Variants in CCDC85A observed in about 807,000 individuals in gnomAD.
The protein encoded by CCDC85A is coiled-coil domain containing 85A.
Under a neutral mutation model 50.2 loss-of-function variants are expected in CCDC85A, and 38 were observed. The observed-to-expected ratio is 0.76, with a 90% confidence interval of 0.58 to 0.99. The LOEUF is 0.99. CCDC85A is among the 50% of genes least tolerant of loss of function. The pLI, the probability that CCDC85A is intolerant of heterozygous loss-of-function variation, is 0.00. For synonymous variants in CCDC85A, 366 were observed against 301.4 expected (o/e 1.21, Z -2.22); for missense variants, 820 against 742.0 (o/e 1.11, Z -1.22).
chr2:56,333,632 G>C (rs1223079010), intron 2 of CCDC85A, among the ~76,000 whole-genome samples: 1 of 152,088 alleles, frequency 6.6e-6, no homozygotes, highest in African/African-American at 2.4e-5. Flanking sequence ...AATAGCACTG[G>C]GGGAGGAGGA....
At chr2:56,271,153 G>A (rs1307044303) in intron 2 of CCDC85A, among the ~76,000 whole-genome samples, 2 of 152,180 alleles carry the variant, frequency 1.3e-5, no homozygotes, top group Non-Finnish European at 2.9e-5. Context: ...CACTTCTCCT[G>A]TAGGATTTAC....
chr2:56,233,068 C>G (rs1472917161), intron 2 of CCDC85A, among the ~76,000 whole-genome samples: 1 of 152,186 alleles, frequency 6.6e-6, no homozygotes, highest in Non-Finnish European at 1.5e-5. Context: ...GGTAGTGCCT[C>G]TGCCTGGGAA....
At chr2:56,258,457 A>C (rs1670080918) in intron 2 of CCDC85A, among the ~76,000 whole-genome samples, 1 of 152,156 alleles carries the variant, frequency 6.6e-6, no homozygotes, top group Non-Finnish European at 1.5e-5. Flanking sequence ...CCCTCGTCAG[A>C]CTTCATTATC....
intron 2 of CCDC85A, among the ~76,000 whole-genome samples, chr2:56,257,689 G>T (rs1670043335): frequency 6.6e-6 from 1 of 152,140 alleles, no homozygotes; most frequent in Non-Finnish European, 1.5e-5. Flanking sequence ...AACTCAATCA[G>T]GTGTTTTTTC....
intron 2 of CCDC85A, among the ~76,000 whole-genome samples, chr2:56,304,618 T>C (rs1003984319): frequency 3.3e-5 from 5 of 152,086 alleles, no homozygotes; most frequent in Non-Finnish European, 7.4e-5. Context: ...AAATAGTAAA[T>C]GTACAAAAAA....
intron 2 of CCDC85A, among the ~76,000 whole-genome samples, chr2:56,303,912 T>C (rs1226736943): frequency 6.6e-6 from 1 of 152,090 alleles, no homozygotes; most frequent in African/African-American, 2.4e-5. Flanking sequence ...CATGAGCATT[T>C]TGGGAAACTG....
intron 2 of CCDC85A, among the ~76,000 whole-genome samples, chr2:56,268,594 C>CAA (rs59245276): frequency 0.016 from 1,656 of 102,492 alleles, 28 homozygotes; most frequent in East Asian, 0.053. Context: ...GATTCCGTCT[C>CAA]AAAAAAAAAA....
At chr2:56,350,325 C>G (rs1219815098) in intron 3 of CCDC85A, among the ~76,000 whole-genome samples, 1 of 152,040 alleles carries the variant, frequency 6.6e-6, no homozygotes, top group Non-Finnish European at 1.5e-5. Context: ...AATCCCAGCA[C>G]TTTGGGAGGC....
intron 3 of CCDC85A, among the ~76,000 whole-genome samples, chr2:56,355,612 T>C (rs1371074158): frequency 6.6e-6 from 1 of 152,144 alleles, no homozygotes; most frequent in Non-Finnish European, 1.5e-5. Flanking sequence ...TTATTGTTCG[T>C]AAAAAAGAGA....
At chr2:56,322,268 G>A (rs764910939) in intron 2 of CCDC85A, among the ~76,000 whole-genome samples, 9 of 152,166 alleles carry the variant, frequency 5.9e-5, no homozygotes, top group Admixed American at 1.3e-4. Context: ...AAAAGCAATG[G>A]CAGCAAAAGC....
intron 2 of CCDC85A, among the ~76,000 whole-genome samples, chr2:56,201,077 CACACACACACA>C (rs1466131319): frequency 6.9e-3 from 54 of 7,840 alleles, no homozygotes; most frequent in African/African-American, 0.025. Context: ...CATCTCTCTC[CACACACACACA>C]CACACACACA....
chr2:56,361,913 A>G (rs1386168895), intron 3 of CCDC85A, among the ~76,000 whole-genome samples: 1 of 152,128 alleles, frequency 6.6e-6, no homozygotes, highest in Admixed American at 6.5e-5. Flanking sequence ...ACATTGGTAC[A>G]CTCATTAGGG....
At chr2:56,227,177 G>T (rs565103347) in intron 2 of CCDC85A, among the ~76,000 whole-genome samples, 3 of 152,018 alleles carry the variant, frequency 2.0e-5, no homozygotes, top group Non-Finnish European at 4.4e-5. Context: ...CCACTGATTT[G>T]ATATGAGTTC....
intron 2 of CCDC85A, among the ~76,000 whole-genome samples, chr2:56,209,328 A>G (rs1043402407): frequency 6.6e-6 from 1 of 152,106 alleles, no homozygotes; most frequent in Non-Finnish European, 1.5e-5. Context: ...CAAACAGACA[A>G]ACAAATAGAA....
chr2:56,317,087 G>C (rs1022207807), intron 2 of CCDC85A, among the ~76,000 whole-genome samples: 3 of 152,048 alleles, frequency 2.0e-5, no homozygotes, highest in Admixed American at 1.3e-4. Context: ...AGATGTACCT[G>C]TAAATGGAAG....
chr2:56,317,021 G>A (rs1378691665), intron 2 of CCDC85A, among the ~76,000 whole-genome samples: 3 of 151,882 alleles, frequency 2.0e-5, no homozygotes, highest in Non-Finnish European at 4.4e-5. Context: ...CTATTCAGAC[G>A]GCAAATTTTA....
intron 1 of CCDC85A, 87 bp downstream of exon 1, chr2:56,184,987 C>A: frequency 7.1e-7 from 1 of 1,400,368 alleles, no homozygotes; most frequent in Non-Finnish European, 9.3e-7. Flanking sequence ...CTTTCCCTCC[C>A]TCCCTCAACA....
chr2:56,373,270 A>G (rs370155702), intron 4 of CCDC85A, among the ~76,000 whole-genome samples: 43 of 152,254 alleles, frequency 2.8e-4, no homozygotes, highest in African/African-American at 9.9e-4. Context: ...TCCCAAAGCT[A>G]GTTTGAAGTA....
chr2:56,345,656 A>G (rs1233668095), intron 3 of CCDC85A, among the ~76,000 whole-genome samples: 1 of 152,176 alleles, frequency 6.6e-6, no homozygotes, highest in Non-Finnish European at 1.5e-5. Context: ...GGAACACAAT[A>G]AATGGATGTC....
Sources: gnomAD v4.1 joint callset for allele counts (sites outside exome capture counted in the v4.1 genomes callset) on GRCh38, gnomAD v4.1.1 for gene constraint, MANE v1.5 for transcripts, NCBI Gene and HGNC (gene_info 2026-07-23, HGNC 2026-07-21) for gene names.